Variants in IFT88 observed in about 807,000 individuals in gnomAD.
IFT88 encodes intraflagellar transport 88, also known as intraflagellar transport protein 88 homolog.
In IFT88, 74 loss-of-function variants were observed where a neutral mutation model predicts 119.5. The observed-to-expected ratio is 0.62, with a 90% CI of 0.51 to 0.75. The LOEUF is 0.75. IFT88 is among the 30% of genes least tolerant of loss of function. The pLI is 0.00. For missense variants in IFT88, 961 were observed against 977.7 expected, an observed-to-expected ratio of 0.98 and a Z score of 0.23; for synonymous variants, 279 against 316.7, an observed-to-expected ratio of 0.88 and a Z score of 1.26.
chr13:20,628,405 C>G (rs1253419721), intron 15 of IFT88, among the ~76,000 whole-genome samples: 1 of 152,212 alleles, frequency 6.6e-6, no homozygotes, highest in Admixed American at 6.5e-5. Flanking sequence ...GAGACCAGGA[C>G]AGACATAGAT....
At chr13:20,612,996 AAAG>A (rs201723888) in intron 13 of IFT88, among the ~76,000 whole-genome samples, 1,790 of 152,356 alleles carry the variant, frequency 0.012, 37 homozygotes, top group African/African-American at 0.041. Context: ...ATTGTTAGAA[AAAG>A]AAGAGAAATA....
At chr13:20,653,844 C>G (rs374616858) in intron 20 of IFT88, 32 bp from the exon 21 acceptor site, 6 of 1,304,942 alleles carry the variant, frequency 4.6e-6, no homozygotes, top group African/African-American at 4.5e-5. Flanking sequence ...ATTTTTTTAT[C>G]TCTAATTTCA....
intron 14 of IFT88, among the ~76,000 whole-genome samples, chr13:20,616,335 C>G (rs2045605337): frequency 6.6e-6 from 1 of 152,224 alleles, no homozygotes; most frequent in Non-Finnish European, 1.5e-5. Flanking sequence ...TCATCCAAAG[C>G]AACTTCCAGT....
chr13:20,598,887 C>T (rs1013708403), intron 10 of IFT88, 134 bp downstream of exon 10: 7 of 541,522 alleles, frequency 1.3e-5, no homozygotes, highest in Non-Finnish European at 2.3e-5. Flanking sequence ...TAGGGGTATC[C>T]TGCTTAAACA....
chr13:20,690,868 G>GT (rs1422165059), intron 25 of IFT88, 53 bp downstream of exon 25: 11 of 1,431,104 alleles, frequency 7.7e-6, no homozygotes, highest in Non-Finnish European at 3.9e-6. Flanking sequence ...AAGAAGAATG[G>GT]TGAGATGGCC....
intron 1 of IFT88, among the ~76,000 whole-genome samples, chr13:20,572,479 A>C (rs2036568290): frequency 6.6e-6 from 1 of 152,140 alleles, no homozygotes; most frequent in Non-Finnish European, 1.5e-5. Flanking sequence ...TTGGCCCTCC[A>C]AAGTCCTGAA....
At chr13:20,684,007 C>A (rs571132293) in intron 24 of IFT88, among the ~76,000 whole-genome samples, 1 of 152,330 alleles carries the variant, frequency 6.6e-6, no homozygotes, top group Admixed American at 6.5e-5. Flanking sequence ...CATCATCTGA[C>A]TGGAGACAGC....
intron 15 of IFT88, among the ~76,000 whole-genome samples, chr13:20,626,889 A>G (rs1320801013): frequency 6.6e-6 from 1 of 152,226 alleles, no homozygotes; most frequent in African/African-American, 2.4e-5. Context: ...TTAGATCCAG[A>G]GAGCAAGGAC....
chr13:20,656,122 T>TGAAAAAAAAA (rs541523266), intron 21 of IFT88, among the ~76,000 whole-genome samples: 4 of 104,768 alleles, frequency 3.8e-5, no homozygotes, highest in African/African-American at 7.6e-5. Flanking sequence ...CTCGTCTCTT[T>TGAAAAAAAAA]AAAAAAAAAA....
intron 16 of IFT88, among the ~76,000 whole-genome samples, chr13:20,634,806 T>A (rs1191935098): frequency 6.6e-6 from 1 of 152,030 alleles, no homozygotes; most frequent in Non-Finnish European, 1.5e-5. Flanking sequence ...TTCTTTATTT[T>A]TTTTTTTTAT....
At chr13:20,659,907 GC>G in intron 22 of IFT88, among the ~76,000 whole-genome samples, 1 of 152,298 alleles carries the variant, frequency 6.6e-6, no homozygotes, top group South Asian at 2.1e-4. Flanking sequence ...CTCCCAAAGT[GC>G]TGGGATTACA....
At chr13:20,627,789 A>G (rs2047591171) in intron 15 of IFT88, among the ~76,000 whole-genome samples, 1 of 151,684 alleles carries the variant, frequency 6.6e-6, no homozygotes, top group South Asian at 2.1e-4. Flanking sequence ...ATGTTTTAAA[A>G]CTATGTTCAT....
intron 20 of IFT88, among the ~76,000 whole-genome samples, chr13:20,646,593 C>T (rs1325102381): frequency 6.6e-6 from 1 of 152,104 alleles, no homozygotes; most frequent in African/African-American, 2.4e-5. Context: ...GCTGGGATTA[C>T]AGGCGTGAGA....
intron 14 of IFT88, among the ~76,000 whole-genome samples, chr13:20,617,110 A>AT (rs1324071306): frequency 6.6e-6 from 1 of 151,238 alleles, no homozygotes. Context: ...AGCCCAGCTA[A>AT]TTTTTTTTTC....
intron 20 of IFT88, among the ~76,000 whole-genome samples, chr13:20,651,469 A>G (rs1367899260): frequency 2.7e-5 from 4 of 148,420 alleles, no homozygotes; most frequent in Non-Finnish European, 6.0e-5. Flanking sequence ...CTCAGCTTTC[A>G]GTTTATGATA....
At chr13:20,645,469 T>A (rs1471359360) in intron 20 of IFT88, among the ~76,000 whole-genome samples, 1 of 152,188 alleles carries the variant, frequency 6.6e-6, no homozygotes, top group Non-Finnish European at 1.5e-5. Flanking sequence ...TTGCATAGAA[T>A]TTTTTAAATA....
chr13:20,640,609 A>AATAC (rs748678618), intron 17 of IFT88, among the ~76,000 whole-genome samples: 2 of 143,604 alleles, frequency 1.4e-5, no homozygotes, highest in Non-Finnish European at 3.0e-5. Context: ...TAAATAAATA[A>AATAC]ATACAAATTA....
At chr13:20,608,106 C>T (rs1002843495) in intron 13 of IFT88, 12 of 473,012 alleles carry the variant, frequency 2.5e-5, no homozygotes, top group East Asian at 1.4e-4. Context: ...ACTTCCAGTA[C>T]AGCTGGCAGA....
rs953138229 is a variant in IFT88 at position 20,595,282 on chromosome 13, A to AT, written c.399-859dup. On this transcript the variant is annotated intron_variant, in intron 7 of 25. Coordinates refer to ENST00000351808, the MANE Select transcript of IFT88 (RefSeq NM_006531.5). ...TAGCAAGAACCTGTCGTTTATTTTT[A>AT]TTTTTTTTTATTTTTTTGAGGCAGA... Among the ~76,000 whole-genome samples the AT allele has an allele frequency of 6.8e-5, 10 of 147,738 alleles. No homozygotes were observed. In the East Asian group the frequency reaches 8.7e-4, roughly 13 times the overall value.
Sources: gnomAD v4.1 joint callset for allele counts (sites outside exome capture counted in the v4.1 genomes callset) on GRCh38, gnomAD v4.1.1 for gene constraint, MANE v1.5 for transcripts, NCBI Gene and HGNC (gene_info 2026-07-23, HGNC 2026-07-21) for gene names.